The following DLGAP1 variants were observed in gnomAD, a reference collection of about 807,000 sequenced individuals.
DLGAP1 encodes DLG associated protein 1, also known as disks large-associated protein 1.
In DLGAP1, 11 loss-of-function variants were observed where a neutral mutation model predicts 90.8. The ratio of observed to expected loss-of-function variants is 0.12; its 90% CI spans 0.08 to 0.20. The LOEUF is 0.20. Ranked by LOEUF, DLGAP1 falls within the 10% of genes least tolerant of loss-of-function variation. The pLI is 1.00. For synonymous variants in DLGAP1, 558 were observed against 540.7 expected, an observed-to-expected ratio of 1.03 and a Z score of -0.44; for missense variants, 1,050 against 1,333.8, an observed-to-expected ratio of 0.79 and a Z score of 3.31.
intron 5 of DLGAP1, among the ~76,000 whole-genome samples, chr18:3,786,969 G>GTCTT (rs2065477998): frequency 6.6e-6 from 1 of 152,128 alleles, no homozygotes; most frequent in African/African-American, 2.4e-5. Flanking sequence ...TTTTTACATT[G>GTCTT]TCTTAGATGA....
chr18:4,307,407 A>G (rs1409497379), intron 1 of DLGAP1, among the ~76,000 whole-genome samples: 1 of 152,132 alleles, frequency 6.6e-6, no homozygotes, highest in Non-Finnish European at 1.5e-5. Context: ...CCACCTTTGA[A>G]ATGCATTGAT....
chr18:3,915,587 T>C (rs2072124577), intron 3 of DLGAP1, among the ~76,000 whole-genome samples: 1 of 152,216 alleles, frequency 6.6e-6, no homozygotes, highest in African/African-American at 2.4e-5. Context: ...AATTCTTTTG[T>C]GCACTTGGAG....
intron 1 of DLGAP1, among the ~76,000 whole-genome samples, chr18:4,269,948 C>T (rs978633872): frequency 6.6e-6 from 1 of 152,134 alleles, no homozygotes; most frequent in Non-Finnish European, 1.5e-5. Context: ...AAGGCCTTTT[C>T]TACTGCAGCT....
intron 1 of DLGAP1, among the ~76,000 whole-genome samples, chr18:4,322,544 A>G (rs1271850820): frequency 6.6e-6 from 1 of 152,150 alleles, no homozygotes. Flanking sequence ...TAGAACTGCT[A>G]GAAGAAAACA....
At chr18:3,740,207 A>G (rs1175251638) in intron 6 of DLGAP1, among the ~76,000 whole-genome samples, 2 of 152,194 alleles carry the variant, frequency 1.3e-5, no homozygotes, top group African/African-American at 2.4e-5. Context: ...ATAATTCTCA[A>G]TGACTGTGTG....
At chr18:3,610,732 G>A (rs1386320814) in intron 7 of DLGAP1, among the ~76,000 whole-genome samples, 1 of 152,046 alleles carries the variant, frequency 6.6e-6, no homozygotes, top group African/African-American at 2.4e-5. Flanking sequence ...CCAGCTACTT[G>A]GGAGGCTGAG....
intron 4 of DLGAP1, chr18:3,874,582 CTATTT>C (rs1274679862): frequency 2.6e-6 from 4 of 1,509,860 alleles, no homozygotes; most frequent in Non-Finnish European, 3.5e-6. Context: ...GAACCTCTTC[CTATTT>C]TATTTATTTA....
intron 2 of DLGAP1, among the ~76,000 whole-genome samples, chr18:4,130,956 A>T (rs977143810): frequency 3.3e-5 from 5 of 152,112 alleles, no homozygotes; most frequent in Non-Finnish European, 7.3e-5. Flanking sequence ...TATGACAAGG[A>T]TTTACCCAAG....
intron 9 of DLGAP1, among the ~76,000 whole-genome samples, chr18:3,556,387 G>A (rs1454297056): frequency 2.0e-5 from 3 of 152,132 alleles, no homozygotes; most frequent in Admixed American, 6.5e-5. Context: ...ATTCAGAATC[G>A]TTTCACTGCC....
intron 1 of DLGAP1, among the ~76,000 whole-genome samples, chr18:4,441,048 A>C (rs2083525151): frequency 6.6e-6 from 1 of 152,208 alleles, no homozygotes; most frequent in African/African-American, 2.4e-5. Flanking sequence ...TCTCACAAGG[A>C]TATTCTAACA....
chr18:4,344,264 G>A (rs1299923053), intron 1 of DLGAP1, among the ~76,000 whole-genome samples: 3 of 152,126 alleles, frequency 2.0e-5, no homozygotes, highest in Non-Finnish European at 4.4e-5. Context: ...CAATGATTCT[G>A]ACAGATACTC....
At chr18:4,076,859 A>G (rs560658108) in intron 2 of DLGAP1, among the ~76,000 whole-genome samples, 1 of 152,244 alleles carries the variant, frequency 6.6e-6, no homozygotes, top group African/African-American at 2.4e-5. Flanking sequence ...CCTGACCTCA[A>G]GTGATCCACC....
intron 7 of DLGAP1, among the ~76,000 whole-genome samples, chr18:3,600,472 G>T (rs1158550618): frequency 6.6e-6 from 1 of 151,946 alleles, no homozygotes; most frequent in African/African-American, 2.4e-5. Flanking sequence ...CGGACCTCAG[G>T]TGATCCACCT....
rs1291544009 is a variant in DLGAP1 at position 3,772,362 on chromosome 18, T to TTCTC, written c.1173-29851_1173-29850insGAGA. On this transcript the variant is annotated intron_variant, in intron 5 of 12. Transcript: ENST00000315677. The stretch of plus-strand genomic sequence containing the variant: ...TCTCTCTCTCTCTTTCTTTCTTTCT[T>TTCTC]TCTTTCTTTCTTTCTTTCTTTCTTT... Among the ~76,000 whole-genome samples the TTCTC allele has an allele frequency of 2.5e-3, 19 of 7,472 alleles. 2 individuals are homozygous for TTCTC. The highest frequency in any genetic ancestry group is 5.5e-3 in the African/African-American group (19 of 3,476). 4.9% of individuals were successfully genotyped at this position (7,472 alleles called of 152,430 possible).
intron 5 of DLGAP1, among the ~76,000 whole-genome samples, chr18:3,802,288 G>A (rs1169538547): frequency 6.6e-6 from 1 of 152,182 alleles, no homozygotes; most frequent in African/African-American, 2.4e-5. Context: ...CGCCACGCAG[G>A]CCATCTTTCT....
At chr18:4,045,730 G>A (rs903774326) in intron 2 of DLGAP1, among the ~76,000 whole-genome samples, 2 of 150,422 alleles carry the variant, frequency 1.3e-5, no homozygotes, top group Admixed American at 6.6e-5. Flanking sequence ...TGGTGATCAC[G>A]CCAAGTATAT....
At chr18:4,328,242 G>A (rs1245982525) in intron 1 of DLGAP1, among the ~76,000 whole-genome samples, 2 of 151,804 alleles carry the variant, frequency 1.3e-5, no homozygotes, top group Non-Finnish European at 2.9e-5. Flanking sequence ...CTCTCTTTAA[G>A]CTGTGTTTTG....
At chr18:4,184,664 T>C (rs191495474) in intron 1 of DLGAP1, among the ~76,000 whole-genome samples, 214 of 152,280 alleles carry the variant, frequency 1.4e-3, no homozygotes, top group African/African-American at 4.6e-3. Context: ...TCACCCTGCC[T>C]TTCCTTCTTT....
chr18:4,255,756 T>C (rs980878399), intron 1 of DLGAP1, among the ~76,000 whole-genome samples: 1 of 152,082 alleles, frequency 6.6e-6, no homozygotes, highest in African/African-American at 2.4e-5. Flanking sequence ...TGATAAAAAC[T>C]ATACTTTTCC....
Sources: allele counts gnomAD v4.1 joint callset (sites outside exome capture counted in the v4.1 genomes callset), GRCh38; gene constraint gnomAD v4.1.1; transcripts MANE v1.5; gene names NCBI Gene and HGNC (gene_info 2026-07-23, HGNC 2026-07-21).